PCDHA2: variants seen among roughly 807,000 people sequenced by gnomAD.
PCDHA2 encodes the protein protocadherin alpha 2.
Under a neutral mutation model 66.0 loss-of-function variants are expected in PCDHA2, and 58 were observed. That is an observed-to-expected ratio of 0.88 (90% confidence interval 0.71 to 1.09). PCDHA2 has a LOEUF of 1.09. Ranked by LOEUF, PCDHA2 falls within the 50% of genes least tolerant of loss-of-function variation. PCDHA2 has a pLI of 0.00. For synonymous variants in PCDHA2, 634 were observed against 554.0 expected (o/e 1.14, Z -2.03); for missense variants, 1,267 against 1,242.3 (o/e 1.02, Z -0.30).
At chr5:140,834,576 C>T in intron 1 of PCDHA2, 2 of 1,614,098 alleles carry the variant, frequency 1.2e-6, no homozygotes, top group Non-Finnish European at 8.5e-7. Context: ...GCGCCTGTTC[C>T]GGGCGGTGTG....
In PCDHA2 at chr5:141,012,312, C is replaced by CTGT; in HGVS notation, c.*2377_*2379dup. On this transcript the variant is annotated 3_prime_UTR_variant, in exon 4 of 4. Transcript: ENST00000526136. ...TGAATTGGTGCTATTGGTATTTCCT[C>CTGT]TGTTATTGCTAATAAATGAAAATGG... The CTGT allele has an allele frequency of 6.5e-6, 1 of 153,698 alleles. No individual in the cohort carries two copies. Among genetic ancestry groups the CTGT allele is most frequent in the Middle Eastern group, 3.2e-3 (1 of 316 alleles). 9.5% of individuals were successfully genotyped at this position (153,698 alleles called of 1,614,324 possible).
intron 3 of PCDHA2, among the ~76,000 whole-genome samples, chr5:140,996,531 G>C (rs782175834): frequency 6.6e-6 from 1 of 152,146 alleles, no homozygotes; most frequent in Non-Finnish European, 1.5e-5. Context: ...GGCCCTGTGT[G>C]TTTTGATATT....
At chr5:140,843,222 C>G in intron 1 of PCDHA2, 1 of 1,596,168 alleles carries the variant, frequency 6.3e-7, no homozygotes, top group Non-Finnish European at 8.6e-7. Flanking sequence ...ATCAGCACCA[C>G]TCGTGTCCTG....
chr5:140,830,572 T>G (rs1012149476), intron 1 of PCDHA2: 1 of 871,720 alleles, frequency 1.1e-6, no homozygotes, highest in Non-Finnish European at 1.6e-6. Context: ...TTTCTGTTTT[T>G]AATTTTTAAT....
intron 1 of PCDHA2, among the ~76,000 whole-genome samples, chr5:140,897,068 T>A (rs2153455202): frequency 6.6e-6 from 1 of 152,252 alleles, no homozygotes; most frequent in East Asian, 1.9e-4. Context: ...CTATGTCTTA[T>A]TCATTTTTTC....
chr5:140,836,286 C>A (rs146878440), intron 1 of PCDHA2: 2 of 1,613,774 alleles, frequency 1.2e-6, no homozygotes, highest in East Asian at 2.2e-5. Context: ...CAGCACGACA[C>A]GAGCCCTAGA....
chr5:140,965,654 G>A (rs1194762396), intron 1 of PCDHA2, among the ~76,000 whole-genome samples: 5 of 152,150 alleles, frequency 3.3e-5, no homozygotes, highest in Non-Finnish European at 7.4e-5. Flanking sequence ...GAAAGAAAAT[G>A]TCTTGGGTGA....
At chr5:140,998,779 G>T (rs782154283) in intron 3 of PCDHA2, among the ~76,000 whole-genome samples, 3 of 152,140 alleles carry the variant, frequency 2.0e-5, no homozygotes, top group Non-Finnish European at 4.4e-5. Context: ...GGTCAGGCTG[G>T]TCTGGAACCC....
chr5:140,809,209 G>T, intron 1 of PCDHA2: 2 of 1,614,072 alleles, frequency 1.2e-6, no homozygotes, highest in East Asian at 4.5e-5. Flanking sequence ...AGAGTGGACA[G>T]GCGCCAAAGG....
At chr5:140,921,198 A>T (rs1298623554) in intron 1 of PCDHA2, among the ~76,000 whole-genome samples, 2 of 152,076 alleles carry the variant, frequency 1.3e-5, no homozygotes, top group African/African-American at 4.8e-5. Flanking sequence ...CAATAGATTG[A>T]CAACGATAAT....
rs1554205708 is a variant in PCDHA2 at position 140,928,289 on chromosome 5, G to A, written c.2389-50660G>A. 3.1e-6 allele frequency: 5 copies of A among 1,614,170 alleles called. No individual in the cohort carries two copies. In the East Asian group the frequency reaches 6.7e-5, roughly 22 times the overall value. ...AATGGCCCTGGGGCCTCTCTAGGCC[G>A]AGTGTTTGCCCAGGACCCCGACCTG... is the stretch of plus-strand genomic sequence containing the variant. On this transcript the variant is annotated intron_variant, in intron 1 of 3. Coordinates refer to ENST00000526136, the MANE Select transcript of PCDHA2 (RefSeq NM_018905.3).
At chr5:141,003,517 T>C (rs538562882) in intron 3 of PCDHA2, among the ~76,000 whole-genome samples, 1 of 152,238 alleles carries the variant, frequency 6.6e-6, no homozygotes, top group East Asian at 1.9e-4. Context: ...TTCACCATGT[T>C]CCCTAGGCTG....
chr5:140,822,341 AC>A (rs2150115661), intron 1 of PCDHA2: 5 of 1,614,128 alleles, frequency 3.1e-6, no homozygotes, highest in Non-Finnish European at 4.2e-6. Context: ...GAAGAAACGA[AC>A]TTTTTAGAGC....
intron 1 of PCDHA2, among the ~76,000 whole-genome samples, chr5:140,827,126 A>G (rs1769190900): frequency 6.6e-6 from 1 of 152,226 alleles, no homozygotes; most frequent in Admixed American, 6.5e-5. Flanking sequence ...TGACAATTAG[A>G]AACATAGAAA....
At chr5:140,876,509 A>G (rs782112140) in intron 1 of PCDHA2, 2 of 1,614,020 alleles carry the variant, frequency 1.2e-6, no homozygotes, top group South Asian at 2.2e-5. Flanking sequence ...GTGAATGACA[A>G]TGTCCCTGAA....
chr5:140,979,329 C>T (rs782808442), intron 2 of PCDHA2, among the ~76,000 whole-genome samples: 3 of 152,162 alleles, frequency 2.0e-5, no homozygotes, highest in Non-Finnish European at 2.9e-5. Flanking sequence ...TTCTTTTCCT[C>T]CTTTAAAAAC....
At chr5:140,829,051 T>G (rs2150162199) in intron 1 of PCDHA2, 1 of 1,613,104 alleles carries the variant, frequency 6.2e-7, no homozygotes, top group South Asian at 1.1e-5. Flanking sequence ...AAATCCTCAT[T>G]GACGCCACGG....
intron 1 of PCDHA2, chr5:140,804,936 G>C (rs1239249157): frequency 1.7e-6 from 2 of 1,156,470 alleles, no homozygotes; most frequent in Non-Finnish European, 2.3e-6. Context: ...ACTATCCTTT[G>C]TTGCTCCCTT....
chr5:140,986,545 G>T (rs1554248133), intron 3 of PCDHA2, among the ~76,000 whole-genome samples: 1 of 152,172 alleles, frequency 6.6e-6, no homozygotes, highest in East Asian at 1.9e-4. Context: ...GCTTCAGTGG[G>T]CCAGGCTGCT....
Sources: allele counts gnomAD v4.1 joint callset (sites outside exome capture counted in the v4.1 genomes callset), GRCh38; gene constraint gnomAD v4.1.1; transcripts MANE v1.5; gene names NCBI Gene and HGNC (gene_info 2026-07-23, HGNC 2026-07-21).